Variants in POU6F2 observed in about 807,000 individuals in gnomAD.
POU6F2 encodes POU class 6 homeobox 2, also known as POU domain, class 6, transcription factor 2.
A neutral mutation model predicts 71.3 loss-of-function variants in POU6F2; 31 were observed. That is an observed-to-expected ratio of 0.43 (90% CI 0.33 to 0.59). The LOEUF is 0.59. Among genes scored for constraint, POU6F2 ranks in the 20% least tolerant of loss-of-function variants. POU6F2 has a pLI of 0.04. For synonymous variants in POU6F2, 347 were observed against 355.7 expected (o/e 0.98, Z 0.27); for missense variants, 783 against 856.8 (o/e 0.91, Z 1.07).
rs1263736769 is a variant in POU6F2, at chr7:39,065,063, GTTTAA to G, written c.106-20792_106-20788del. Among the ~76,000 whole-genome samples, 3 of 151,706 alleles carry G rather than the reference GTTTAA, an allele frequency of 2.0e-5. No individual in the cohort carries two copies. In the East Asian group the frequency reaches 5.8e-4, roughly 29 times the overall value. The stretch of plus-strand genomic sequence containing the variant: ...AAGAATTAAAACCATAATTTCAGAT[GTTTAA>G]TTTATATATTAGGCTCCCTTATAAA... On this transcript the variant is annotated intron_variant, in intron 1 of 9. Coordinates refer to ENST00000518318, the MANE Select transcript of POU6F2 (RefSeq NM_001370959.1).
chr7:39,104,746 A>C (rs2128724348), intron 2 of POU6F2, among the ~76,000 whole-genome samples: 1 of 152,384 alleles, frequency 6.6e-6, no homozygotes, highest in African/African-American at 2.4e-5. Context: ...ATTAATGGAC[A>C]GGTTTTATAA....
At chr7:39,150,707 A>C (rs901268498) in intron 2 of POU6F2, among the ~76,000 whole-genome samples, 9 of 152,008 alleles carry the variant, frequency 5.9e-5, no homozygotes, top group African/African-American at 2.2e-4. Flanking sequence ...ACCTTAGGTG[A>C]TCTGCCTGCC....
intron 2 of POU6F2, among the ~76,000 whole-genome samples, chr7:39,170,073 A>G (rs1793189705): frequency 6.6e-6 from 1 of 152,096 alleles, no homozygotes; most frequent in African/African-American, 2.4e-5. Flanking sequence ...GAAGCTGAGA[A>G]GGGAGAATCG....
chr7:39,221,733 A>T (rs1480086410), intron 4 of POU6F2, among the ~76,000 whole-genome samples: 1 of 152,122 alleles, frequency 6.6e-6, no homozygotes, highest in East Asian at 1.9e-4. Flanking sequence ...TTTTACTGTG[A>T]AATATAGAGA....
chr7:39,395,890 A>G, intron 5 of POU6F2, among the ~76,000 whole-genome samples: 1 of 152,234 alleles, frequency 6.6e-6, no homozygotes, highest in East Asian at 1.9e-4. Flanking sequence ...AAAAACTTTC[A>G]TCACAAGAGT....
chr7:39,115,842 AG>A (rs1791917449), intron 2 of POU6F2, among the ~76,000 whole-genome samples: 1 of 152,160 alleles, frequency 6.6e-6, no homozygotes, highest in Non-Finnish European at 1.5e-5. Flanking sequence ...CTGTTTGTAT[AG>A]TATACTTATG....
intron 4 of POU6F2, among the ~76,000 whole-genome samples, chr7:39,331,078 G>T (rs1785639018): frequency 1.3e-5 from 2 of 151,988 alleles, no homozygotes; most frequent in Non-Finnish European, 2.9e-5. Flanking sequence ...ATGTCCTCGG[G>T]GTTCATTTAT....
intron 1 of POU6F2, among the ~76,000 whole-genome samples, chr7:39,014,908 C>T (rs1048943336): frequency 5.3e-5 from 8 of 152,112 alleles, no homozygotes; most frequent in Non-Finnish European, 1.2e-4. Flanking sequence ...TTCCATGAAG[C>T]TGTGCCTTCC....
chr7:39,339,927 C>A lies in POU6F2; in HGVS notation c.884C>A (p.Thr295Asn). 1 of 1,614,008 alleles carries A rather than the reference C, an allele frequency of 6.2e-7. No individual in the cohort carries two copies. The highest frequency in any genetic ancestry group is 1.1e-5 in the South Asian group (1 of 91,078). The change falls in exon 5 of 10, where the codon ACC becomes AAC. Residue 295 changes from threonine (T) to asparagine (N), a missense_variant. Around this residue, in one of 2 missense-constraint regions of POU6F2, gnomAD observed 572 missense variants for 572.9 expected, o/e 1.00. Coordinates refer to ENST00000518318, the MANE Select transcript of POU6F2 (RefSeq NM_001370959.1). ...CAGAACCAGAACCAACCATCTCCAA[C>A]CCAGCAGAGCTCCAGCCCCCCGCAG... is the stretch of plus-strand genomic sequence containing the variant. ...HSQNQNQPSP[T>N]QQSSSPPQKP...
intron 4 of POU6F2, among the ~76,000 whole-genome samples, chr7:39,264,060 G>A (rs1471769743): frequency 1.3e-5 from 2 of 152,140 alleles, no homozygotes; most frequent in East Asian, 3.9e-4. Context: ...CGGTCTCAAG[G>A]CCCCTAAGAC....
intron 2 of POU6F2, among the ~76,000 whole-genome samples, chr7:39,130,150 GTGTGT>G (rs1562716948): frequency 4.5e-4 from 6 of 13,252 alleles, no homozygotes; most frequent in Non-Finnish European, 8.7e-4. Context: ...AGGGGTAGGT[GTGTGT>G]GTGTGTGTGT....
At chr7:39,211,046 C>G (rs1183624245) in intron 4 of POU6F2, among the ~76,000 whole-genome samples, 1 of 152,106 alleles carries the variant, frequency 6.6e-6, no homozygotes, top group Non-Finnish European at 1.5e-5. Context: ...ACTGTGTCCT[C>G]CCACCACAGA....
chr7:39,269,998 T>G (rs1185216099), intron 4 of POU6F2, among the ~76,000 whole-genome samples: 1 of 152,236 alleles, frequency 6.6e-6, no homozygotes, highest in Non-Finnish European at 1.5e-5. Flanking sequence ...TTATCAGTAG[T>G]ATAGTTAAAA....
At chr7:39,180,294 G>A (rs1403286603) in intron 2 of POU6F2, among the ~76,000 whole-genome samples, 1 of 152,136 alleles carries the variant, frequency 6.6e-6, no homozygotes, top group Non-Finnish European at 1.5e-5. Flanking sequence ...TTTTTTTTAA[G>A]TAGCCAGAGA....
At chr7:39,222,928 A>T (rs568802625) in intron 4 of POU6F2, among the ~76,000 whole-genome samples, 1 of 152,212 alleles carries the variant, frequency 6.6e-6, no homozygotes, top group Non-Finnish European at 1.5e-5. Flanking sequence ...ATGCTAGATC[A>T]TACGGTAATT....
intron 5 of POU6F2, among the ~76,000 whole-genome samples, chr7:39,391,473 T>C (rs1351237597): frequency 2.6e-5 from 4 of 152,162 alleles, no homozygotes; most frequent in African/African-American, 7.2e-5. Context: ...TTTGAAAATA[T>C]AATGTACAAA....
At chr7:39,185,174 A>G (rs1467341059) in intron 2 of POU6F2, among the ~76,000 whole-genome samples, 1 of 151,666 alleles carries the variant, frequency 6.6e-6, no homozygotes, top group Non-Finnish European at 1.5e-5. Flanking sequence ...TTCAGTGTAA[A>G]GTCATTAGAA....
chr7:39,447,828 T>G (rs1418337834), intron 7 of POU6F2, among the ~76,000 whole-genome samples: 2 of 152,242 alleles, frequency 1.3e-5, no homozygotes, highest in African/African-American at 4.8e-5. Context: ...TACTTAAATG[T>G]CTATTTCTTT....
intron 4 of POU6F2, among the ~76,000 whole-genome samples, chr7:39,314,951 C>A (rs144759548): frequency 4.7e-4 from 72 of 152,204 alleles, no homozygotes; most frequent in African/African-American, 1.6e-3. Context: ...AGATGGTCTT[C>A]AGGTGATCAA....
Sources: allele counts gnomAD v4.1 joint callset (sites outside exome capture counted in the v4.1 genomes callset), GRCh38; gene constraint gnomAD v4.1.1; regional missense constraint gnomAD v4.1.1; transcripts MANE v1.5; gene names NCBI Gene and HGNC (gene_info 2026-07-23, HGNC 2026-07-21).